The following PRKCB variants were observed in gnomAD, a reference collection of about 807,000 sequenced individuals.
PRKCB encodes protein kinase C beta.
Under a neutral mutation model 81.5 loss-of-function variants are expected in PRKCB, and 13 were observed. That is an observed-to-expected ratio of 0.16 (90% CI 0.10 to 0.25). The LOEUF (loss-of-function observed/expected upper bound fraction) is 0.25, where lower values mean the gene tolerates loss of function less well. Ranked by LOEUF, PRKCB falls within the 10% of genes least tolerant of loss-of-function variation. The probability of loss-of-function intolerance (pLI) is 1.00; values close to 1 mark genes in which losing one functional copy is unlikely to be tolerated. For synonymous variants in PRKCB, 335 were observed against 321.4 expected (o/e 1.04, Z -0.45); for missense variants, 509 against 875.7 (o/e 0.58, Z 5.29).
intron 2 of PRKCB, among the ~76,000 whole-genome samples, chr16:23,863,146 G>GTA (rs1021350257): frequency 7.6e-5 from 11 of 144,142 alleles, no homozygotes; most frequent in African/African-American, 2.8e-4. Flanking sequence ...ATGTGTATGT[G>GTA]TATATATATA....
chr16:23,992,405 A>G (rs1478982052), intron 3 of PRKCB, among the ~76,000 whole-genome samples: 1 of 152,198 alleles, frequency 6.6e-6, no homozygotes, highest in Non-Finnish European at 1.5e-5. Flanking sequence ...GAGAGCCTGG[A>G]TAGTCCGTGG....
At chr16:23,945,027 G>A (rs1344225705) in intron 2 of PRKCB, among the ~76,000 whole-genome samples, 5 of 152,150 alleles carry the variant, frequency 3.3e-5, no homozygotes, top group African/African-American at 1.2e-4. Flanking sequence ...GGCTATTGGG[G>A]GATGAGGAGA....
intron 8 of PRKCB, 106 bp downstream of exon 8, chr16:24,113,175 T>C (rs1966696104): frequency 2.6e-6 from 2 of 758,898 alleles, no homozygotes; most frequent in Non-Finnish European, 4.1e-6. Flanking sequence ...TTCTTTTTTC[T>C]CTCCTTCCTT....
At chr16:23,891,732 C>A (rs1963298301) in intron 2 of PRKCB, among the ~76,000 whole-genome samples, 1 of 152,168 alleles carries the variant, frequency 6.6e-6, no homozygotes, top group Non-Finnish European at 1.5e-5. Context: ...GCTCAGTTTT[C>A]AAGGGGTCAT....
Position 24,170,745 on chromosome 16 carries a change from C to G in PRKCB, c.1240-1525C>G, listed in dbSNP as rs561953459. Among the ~76,000 whole-genome samples, 4 of 152,332 alleles carry G rather than the reference C, an allele frequency of 2.6e-5. No homozygotes were observed. In the South Asian group the frequency reaches 8.3e-4, roughly 32 times the overall value. ...TGTTGAATAACTTCTCCAAATACATCCAGCTATTAAGAGACAGAGCTGGAT... is the reference window on the plus strand; with the variant it reads ...TGTTGAATAACTTCTCCAAATACATGCAGCTATTAAGAGACAGAGCTGGAT... On this transcript the variant is annotated intron_variant, in intron 10 of 16. Coordinates refer to ENST00000643927, the MANE Select transcript of PRKCB (RefSeq NM_002738.7).
chr16:24,123,711 A>G, intron 8 of PRKCB, 124 bp from the exon 9 acceptor site: 4 of 975,168 alleles, frequency 4.1e-6, no homozygotes, highest in Non-Finnish European at 6.1e-6. Flanking sequence ...ATGCATGGCT[A>G]TGCTTTTCAT....
chr16:24,169,588 C>T (rs2141964215), intron 10 of PRKCB, among the ~76,000 whole-genome samples: 1 of 152,254 alleles, frequency 6.6e-6, no homozygotes, highest in East Asian at 1.9e-4. Flanking sequence ...ACCTGCATAG[C>T]TGCTTTCGTC....
chr16:24,105,377 A>G (rs1966562174), intron 7 of PRKCB, among the ~76,000 whole-genome samples: 1 of 150,196 alleles, frequency 6.7e-6, no homozygotes, highest in African/African-American at 2.5e-5. Flanking sequence ...TTTTTTTTTA[A>G]AATTTTACTT....
chr16:23,901,101 T>A (rs946536646), intron 2 of PRKCB, among the ~76,000 whole-genome samples: 2 of 152,014 alleles, frequency 1.3e-5, no homozygotes, highest in Admixed American at 6.6e-5. Context: ...ACAAGATTAA[T>A]TTTTTTTCCT....
chr16:24,180,923 C>T lies in PRKCB; in HGVS notation c.1528C>T (p.Pro510Ser), dbSNP rs1967610695. Residue 510 changes from proline to serine, a missense_variant, in exon 13 of 17, where the codon CCC becomes TCC. Pro to Ser is a moderately conservative substitution (Grantham distance 74). This residue lies in a region of PRKCB where 106 missense variants were observed against 214.0 expected (regional missense o/e 0.50). Transcript: ENST00000643927. ...CTGTGGCACTCCAGACTACATCGCC[C>T]CCGAGGTGAGAGCTGCTGGGCACAC... ...TFCGTPDYIA[P>S]EIIAYQPYGK... 1 of 1,613,746 alleles carries T rather than the reference C, an allele frequency of 6.2e-7. No individual in the cohort carries two copies. Among genetic ancestry groups the T allele is most frequent in the Non-Finnish European group, 8.5e-7 (1 of 1,179,884 alleles).
At chr16:24,007,234 G>A (rs1965138091) in intron 3 of PRKCB, among the ~76,000 whole-genome samples, 1 of 152,200 alleles carries the variant, frequency 6.6e-6, no homozygotes, top group African/African-American at 2.4e-5. Flanking sequence ...GATGGTAAGA[G>A]CTTCATGCCG....
Position 24,036,642 on chromosome 16 carries a change from T to C in PRKCB, c.529+1095T>C, listed in dbSNP as rs190379565. On this transcript the variant is annotated intron_variant, in intron 5 of 16. Coordinates refer to ENST00000643927, the MANE Select transcript of PRKCB (RefSeq NM_002738.7). ...AATACTTATCCCTGTACAATATAAT[T>C]CTTTTAAACTTGAGATTTCGTGAAG... is the stretch of plus-strand genomic sequence containing the variant. 3.6e-3 allele frequency among the ~76,000 whole-genome samples: 551 copies of C among 152,252 alleles called. 1 individual carries two copies. Among genetic ancestry groups the C allele is most frequent in the Non-Finnish European group, 5.5e-3 (376 of 68,008 alleles).
chr16:24,208,186 C>T (rs1001073726), intron 16 of PRKCB: 2 of 152,200 alleles, frequency 1.3e-5, no homozygotes, highest in Non-Finnish European at 2.9e-5. Flanking sequence ...GCAAGAGGAT[C>T]CCTTGAGCCT....
At chr16:24,072,477 TG>T (rs1194860089) in intron 5 of PRKCB, among the ~76,000 whole-genome samples, 1 of 152,166 alleles carries the variant, frequency 6.6e-6, no homozygotes, top group African/African-American at 2.4e-5. Context: ...CTCCAACTCC[TG>T]GCCTCAAGTG....
intron 2 of PRKCB, among the ~76,000 whole-genome samples, chr16:23,974,776 G>A (rs776476659): frequency 2.6e-5 from 4 of 152,178 alleles, no homozygotes; most frequent in Non-Finnish European, 4.4e-5. Flanking sequence ...GTTGGCACAC[G>A]AGTGGTGCCA....
At chr16:23,989,461 A>G (rs1227340315) in intron 3 of PRKCB, among the ~76,000 whole-genome samples, 1 of 152,196 alleles carries the variant, frequency 6.6e-6, no homozygotes, top group Non-Finnish European at 1.5e-5. Context: ...ATCTCAAAGT[A>G]TGACTACTGC....
intron 2 of PRKCB, among the ~76,000 whole-genome samples, chr16:23,983,527 C>G (rs993140081): frequency 1.3e-5 from 2 of 152,112 alleles, no homozygotes; most frequent in Non-Finnish European, 2.9e-5. Flanking sequence ...CTACATCTAC[C>G]ATGAAGTTGG....
At chr16:24,121,997 A>G (rs1567382336) in intron 8 of PRKCB, among the ~76,000 whole-genome samples, 1 of 152,240 alleles carries the variant, frequency 6.6e-6, no homozygotes, top group African/African-American at 2.4e-5. Context: ...AATCCTTGCC[A>G]TTGGGGAGCT....
intron 16 of PRKCB, chr16:24,203,369 A>AGGCAGCAAG (rs1210826015): frequency 1.3e-5 from 2 of 152,102 alleles, no homozygotes; most frequent in Non-Finnish European, 2.9e-5. Flanking sequence ...GCTGCATAGT[A>AGGCAGCAAG]ACCTGATAGA....
Sources: gnomAD v4.1 joint callset for allele counts (sites outside exome capture counted in the v4.1 genomes callset) on GRCh38, gnomAD v4.1.1 for gene constraint, gnomAD v4.1.1 regional missense constraint, MANE v1.5 for transcripts, NCBI Gene and HGNC (gene_info 2026-07-23, HGNC 2026-07-21) for gene names.